The following SH2D4A variants were observed in gnomAD, a reference collection of about 807,000 sequenced individuals.
SH2D4A encodes SH2 domain-containing protein 4A.
Under a neutral mutation model 64.7 loss-of-function variants are expected in SH2D4A, and 70 were observed. That is an observed-to-expected ratio of 1.08 (90% confidence interval 0.89 to 1.32). SH2D4A has a LOEUF of 1.32. SH2D4A is among the 40% of genes most tolerant of loss of function. The probability of loss-of-function intolerance (pLI) is 0.00; values close to 1 mark genes in which losing one functional copy is unlikely to be tolerated. For missense variants in SH2D4A, 706 were observed against 540.1 expected (o/e 1.31, Z -3.04); for synonymous variants, 268 against 200.7 (o/e 1.34, Z -2.83).
At chr8:19,370,943 C>A (rs1470478102) in intron 7 of SH2D4A, among the ~76,000 whole-genome samples, 1 of 152,028 alleles carries the variant, frequency 6.6e-6, no homozygotes, top group Admixed American at 6.6e-5. Flanking sequence ...ATAGTTATAA[C>A]AAGTTATTTT....
intron 7 of SH2D4A, among the ~76,000 whole-genome samples, chr8:19,369,232 T>C (rs2053053700): frequency 6.6e-6 from 1 of 152,088 alleles, no homozygotes; most frequent in Non-Finnish European, 1.5e-5. Flanking sequence ...TTTGGTTTGC[T>C]AGTATTTTGT....
intron 4 of SH2D4A, among the ~76,000 whole-genome samples, chr8:19,349,443 T>A (rs1014916076): frequency 1.4e-4 from 22 of 152,258 alleles, no homozygotes; most frequent in Non-Finnish European, 2.6e-4. Flanking sequence ...GAGAAAAACA[T>A]ATTTCTAGTC....
chr8:19,372,601 T>A (rs2053122225), intron 7 of SH2D4A, among the ~76,000 whole-genome samples: 1 of 152,156 alleles, frequency 6.6e-6, no homozygotes, highest in African/African-American at 2.4e-5. Context: ...ACAGACAGGA[T>A]AGTTCACTGA....
chr8:19,313,736 TTCCC>T lies in SH2D4A; in HGVS notation c.-282_-279del, dbSNP rs1205565337. On this transcript the variant is annotated 5_prime_UTR_variant, in exon 1 of 10. Transcript: ENST00000265807. ...TGCGCCGCTTGGGACGCCTCTGCCT[TTCCC>T]TCCCTCCCTTCCCCGACGGCTTCTG... 2.0e-6 allele frequency: 3 copies of T among 1,508,974 alleles called. No homozygotes were observed. Among genetic ancestry groups the T allele is most frequent in the African/African-American group, 2.9e-5 (2 of 69,746 alleles). 93.5% of individuals were successfully genotyped at this position (1,508,974 alleles called of 1,614,324 possible).
At chr8:19,331,120 T>G (rs2052359249) in intron 2 of SH2D4A, among the ~76,000 whole-genome samples, 1 of 152,072 alleles carries the variant, frequency 6.6e-6, no homozygotes, top group Non-Finnish European at 1.5e-5. Flanking sequence ...ACTGCAGGAG[T>G]GTCCACTGTA....
intron 8 of SH2D4A, among the ~76,000 whole-genome samples, chr8:19,390,531 C>CAGAT (rs2053474175): frequency 6.6e-6 from 1 of 152,028 alleles, no homozygotes; most frequent in Non-Finnish European, 1.5e-5. Flanking sequence ...GGATTCATGA[C>CAGAT]AGATGGATTC....
Position 19,394,623 on chromosome 8 carries a change from A to C in SH2D4A, c.1346A>C (p.Tyr449Ser). The change falls in exon 10 of 10, where the codon TAC becomes TCC. Residue 449 changes from tyrosine to serine, a missense_variant. Transcript: ENST00000265807. ...PCGQQDQLPD[Y>S]LELFE ...GGTCAGCAGGACCAGCTGCCTGACT[A>C]CCTGGAGCTGTTTGAGTGACAGCCT... The C allele has an allele frequency of 6.2e-7, 1 of 1,608,862 alleles. No individual in the cohort carries two copies. The highest frequency in any genetic ancestry group is 1.1e-5 in the South Asian group (1 of 90,412).
intron 2 of SH2D4A, 84 bp from the exon 3 acceptor site, chr8:19,332,871 A>C: frequency 7.1e-7 from 1 of 1,401,130 alleles, no homozygotes; most frequent in Non-Finnish European, 9.7e-7. Flanking sequence ...TCAAAGACCC[A>C]AAATACTTTA....
At chr8:19,321,572 T>C (rs2052192287) in intron 2 of SH2D4A, among the ~76,000 whole-genome samples, 1 of 152,220 alleles carries the variant, frequency 6.6e-6, no homozygotes, top group South Asian at 2.1e-4. Flanking sequence ...AGATGCCCAG[T>C]TCTGTTGGAT....
At chr8:19,370,003 G>A (rs969984504) in intron 7 of SH2D4A, among the ~76,000 whole-genome samples, 5 of 151,964 alleles carry the variant, frequency 3.3e-5, no homozygotes, top group African/African-American at 1.2e-4. Flanking sequence ...GATTTGGTAT[G>A]TTGTTTTCAT....
intron 8 of SH2D4A, among the ~76,000 whole-genome samples, chr8:19,377,924 C>G (rs553759128): frequency 1.6e-4 from 24 of 152,280 alleles, no homozygotes; most frequent in African/African-American, 5.3e-4. Context: ...GTATATACTC[C>G]TACCAGCTGT....
chr8:19,361,034 T>A, intron 5 of SH2D4A, 169 bp from the exon 6 acceptor site: 2 of 459,944 alleles, frequency 4.3e-6, no homozygotes, highest in Non-Finnish European at 7.9e-6. Context: ...TTACTTCAGG[T>A]CTTACTGACT....
At position 19,334,740 on chromosome 8, in the gene SH2D4A, T is replaced by A. The variant is rs1288831867; in HGVS notation, c.396T>A (p.His132Gln). Residue 132 changes from histidine (H) to glutamine (Q), a missense_variant, in exon 4 of 10, where the codon CAT (histidine) becomes CAA (glutamine). His to Gln is a conservative substitution (Grantham distance 24). Coordinates refer to ENST00000265807, the MANE Select transcript of SH2D4A (RefSeq NM_022071.4). ...GCTTGAAAACAAAATCACAGTACCA[T>A]GATCTGCAGGCTCCGGATAACCAGC... is the stretch of plus-strand genomic sequence containing the variant. ...TNSLKTKSQY[H>Q]DLQAPDNQQT... 1 of 1,613,952 alleles carries A rather than the reference T, an allele frequency of 6.2e-7. No individual in the cohort carries two copies. Among genetic ancestry groups the A allele is most frequent in the Non-Finnish European group, 8.5e-7 (1 of 1,179,960 alleles).
At chr8:19,345,664 T>C (rs2052601327) in intron 4 of SH2D4A, among the ~76,000 whole-genome samples, 1 of 152,232 alleles carries the variant, frequency 6.6e-6, no homozygotes, top group Non-Finnish European at 1.5e-5. Flanking sequence ...TAATAGCTAA[T>C]CTTCTCACAT....
At chr8:19,364,560 C>T (rs898783569) in intron 7 of SH2D4A, among the ~76,000 whole-genome samples, 1 of 152,052 alleles carries the variant, frequency 6.6e-6, no homozygotes, top group Admixed American at 6.6e-5. Context: ...CGTGTCCCTA[C>T]CCCACTCTCC....
intron 2 of SH2D4A, among the ~76,000 whole-genome samples, chr8:19,323,567 G>C (rs2052226202): frequency 1.3e-5 from 2 of 152,112 alleles, no homozygotes; most frequent in Non-Finnish European, 2.9e-5. Flanking sequence ...TATTAGTAGA[G>C]ATGGGGTTTC....
chr8:19,380,769 A>C (rs1233474876), intron 8 of SH2D4A, among the ~76,000 whole-genome samples: 2 of 152,164 alleles, frequency 1.3e-5, no homozygotes, highest in Non-Finnish European at 2.9e-5. Flanking sequence ...TGTTTTGATT[A>C]CTGTAGCATT....
intron 9 of SH2D4A, 111 bp downstream of exon 9, chr8:19,393,652 C>G: frequency 9.9e-7 from 1 of 1,007,060 alleles, no homozygotes; most frequent in Non-Finnish European, 1.5e-6. Context: ...GGGGAGGGGA[C>G]AGGGGTGGGG....
chr8:19,314,393 C>T (rs574857806), intron 1 of SH2D4A, among the ~76,000 whole-genome samples: 7 of 152,268 alleles, frequency 4.6e-5, no homozygotes, highest in African/African-American at 1.7e-4. Flanking sequence ...GGGGCGCCCC[C>T]ACGTGGGGTC....
Sources: allele counts gnomAD v4.1 joint callset (sites outside exome capture counted in the v4.1 genomes callset), GRCh38; gene constraint gnomAD v4.1.1; transcripts MANE v1.5; gene names NCBI Gene and HGNC (gene_info 2026-07-23, HGNC 2026-07-21).